IRAK1BP1: variants seen among roughly 807,000 people sequenced by gnomAD.
The protein encoded by IRAK1BP1 is interleukin 1 receptor associated kinase 1 binding protein 1.
IRAK1BP1 carries 24 observed loss-of-function variants against 28.0 expected under a neutral mutation model. The ratio of observed to expected loss-of-function variants is 0.86; its 90% CI spans 0.62 to 1.20. IRAK1BP1 has a LOEUF of 1.20. Among genes scored for constraint, IRAK1BP1 ranks in the 50% most tolerant of loss-of-function variants. The pLI, the probability that IRAK1BP1 is intolerant of heterozygous loss-of-function variation, is 0.00. For missense variants in IRAK1BP1, 336 were observed against 316.7 expected (o/e 1.06, Z -0.46); for synonymous variants, 131 against 116.3 (o/e 1.13, Z -0.81).
the IRAK1BP1 span, among the ~76,000 whole-genome samples, chr6:78,960,538 A>G: frequency 6.6e-6 from 1 of 151,880 alleles, no homozygotes; most frequent in Admixed American, 6.6e-5. Context: ...GTTGGGAACC[A>G]CATAGCAGGG....
the IRAK1BP1 span, among the ~76,000 whole-genome samples, chr6:78,959,523 C>A: frequency 1.3e-5 from 2 of 151,734 alleles, no homozygotes; most frequent in Non-Finnish European, 2.9e-5. Context: ...AGAAGTTTCA[C>A]GAAAGAAAAA....
the IRAK1BP1 span, among the ~76,000 whole-genome samples, chr6:78,972,656 G>C: frequency 1.3e-5 from 2 of 152,132 alleles, no homozygotes; most frequent in African/African-American, 2.4e-5. Context: ...TGTGTAACTA[G>C]AATAATCAAT....
chr6:78,913,368 G>A (rs1036041332), intron 4 of IRAK1BP1, among the ~76,000 whole-genome samples: 4 of 151,864 alleles, frequency 2.6e-5, no homozygotes, highest in Admixed American at 6.6e-5. Context: ...TACTGGGGCC[G>A]GGCGCAGTGG....
At chr6:78,915,917 T>C (rs1194388005) in intron 4 of IRAK1BP1, among the ~76,000 whole-genome samples, 2 of 152,212 alleles carry the variant, frequency 1.3e-5, no homozygotes, top group Admixed American at 6.5e-5. Flanking sequence ...GGCAGATTGA[T>C]GATGTTTTGT....
At chr6:78,975,741 G>A in the IRAK1BP1 span, among the ~76,000 whole-genome samples, 885 of 152,092 alleles carry the variant, frequency 5.8e-3, 14 homozygotes, top group African/African-American at 0.02. Flanking sequence ...CGGACAAACA[G>A]AGAGCCAAAT....
downstream of IRAK1BP1, among the ~76,000 whole-genome samples, chr6:78,907,263 T>C (rs1439344396): frequency 6.6e-6 from 1 of 152,252 alleles, no homozygotes; most frequent in East Asian, 1.9e-4. Flanking sequence ...TTTTTTGGTA[T>C]TGGATTGAAA....
Position 78,867,774 on chromosome 6 carries a change from C to CCGGG in IRAK1BP1, c.201_204dup (p.Gln69GlyfsTer49). 6.2e-7 allele frequency: 1 copy of CCGGG among 1,614,036 alleles called. No individual in the cohort carries two copies. Among genetic ancestry groups the CCGGG allele is most frequent in the Non-Finnish European group, 8.5e-7 (1 of 1,179,982 alleles). ...CCTCAGAAGTGTCTGCGGGCCCTGA[C>CCGGG]CGGGCGCAGGTGGTGGTGCGAGTGA... On this transcript the variant is annotated frameshift_variant, in exon 1 of 4. Coordinates refer to ENST00000369940, the MANE Select transcript of IRAK1BP1 (RefSeq NM_001010844.4). LOFTEE classifies it high-confidence loss of function.
exon 5 of IRAK1BP1, chr6:78,946,384 G>T: frequency 7.2e-7 from 1 of 1,385,602 alleles, no homozygotes. Context: ...GAGATTTATA[G>T]TGGATTTCAT....
chr6:78,953,078 A>T, the IRAK1BP1 span, among the ~76,000 whole-genome samples: 1 of 151,688 alleles, frequency 6.6e-6, no homozygotes, highest in Non-Finnish European at 1.5e-5. Flanking sequence ...TCAGTTAAGG[A>T]TTAACATTTT....
At chr6:78,947,816 A>G (rs1297886897), downstream of IRAK1BP1, 3 of 1,402,590 alleles carry the variant, frequency 2.1e-6, no homozygotes, top group Non-Finnish European at 2.0e-6. Flanking sequence ...TTATTACTAC[A>G]CAAAGCATCA....
chr6:78,972,034 A>T, the IRAK1BP1 span, among the ~76,000 whole-genome samples: 5 of 152,118 alleles, frequency 3.3e-5, no homozygotes, highest in Non-Finnish European at 7.4e-5. Context: ...CCACAGCTCA[A>T]GGAGGCCTGC....
At chr6:78,928,168 A>AT (rs1324827940) in intron 4 of IRAK1BP1, among the ~76,000 whole-genome samples, 3 of 152,036 alleles carry the variant, frequency 2.0e-5, no homozygotes, top group Non-Finnish European at 4.4e-5. Context: ...GAATCTTTCC[A>AT]TTTTTTGTGT....
At chr6:78,910,274 A>G (rs1582035987) in intron 4 of IRAK1BP1, among the ~76,000 whole-genome samples, 1 of 152,154 alleles carries the variant, frequency 6.6e-6, no homozygotes, top group South Asian at 2.1e-4. Context: ...TACAAGAGGA[A>G]GGAGAAAGAG....
downstream of IRAK1BP1, among the ~76,000 whole-genome samples, chr6:78,948,676 G>T (rs765020768): frequency 1.2e-3 from 183 of 152,132 alleles, 1 homozygote; most frequent in Middle Eastern, 3.4e-3. Flanking sequence ...TATAATTTTT[G>T]TAGAGACGGG....
rs1175088928 is a variant in IRAK1BP1, at chr6:78,899,226, C to G, written c.*892C>G. 1 of 152,132 alleles carries G rather than the reference C, an allele frequency of 6.6e-6. No individual in the cohort carries two copies. Among genetic ancestry groups the G allele is most frequent in the African/African-American group, 2.4e-5 (1 of 41,416 alleles). The allele number at this position is 152,132 out of a possible 1,614,324, so 9.4% of individuals were successfully genotyped here. On this transcript the variant is annotated 3_prime_UTR_variant, in exon 4 of 4. Coordinates refer to ENST00000369940, the MANE Select transcript of IRAK1BP1 (RefSeq NM_001010844.4). ...CAAAACTCAATACTGAGAAATGGCC[C>G]AGGTAAAGAACAGCCAAGGTCTTTC...
the IRAK1BP1 span, chr6:78,970,655 C>T: frequency 1.6e-6 from 1 of 642,652 alleles, no homozygotes; most frequent in Non-Finnish European, 2.7e-6. Flanking sequence ...TCTAGGACTG[C>T]TTCAATTAAA....
At chr6:78,875,908 C>T (rs9343843) in intron 1 of IRAK1BP1, among the ~76,000 whole-genome samples, 68,955 of 151,966 alleles carry the variant, frequency 0.45, 16,228 homozygotes, top group East Asian at 0.69. Flanking sequence ...GATGTTTTCC[C>T]AGAAGATTTT....
At chr6:78,948,623 T>C (rs1224802058), downstream of IRAK1BP1, among the ~76,000 whole-genome samples, 1 of 152,072 alleles carries the variant, frequency 6.6e-6, no homozygotes, top group Non-Finnish European at 1.5e-5. Context: ...GCCTCTCAAG[T>C]AGCGGGGACT....
chr6:78,923,763 C>T lies in IRAK1BP1; in HGVS notation c.*67+20653C>T, dbSNP rs187658203. Among the ~76,000 whole-genome samples, 33 of 152,208 alleles carry T rather than the reference C, an allele frequency of 2.2e-4. No homozygotes were observed. The East Asian group carries it at 6.2e-3, about 29-fold the overall frequency. On this transcript the variant is annotated intron_variant and NMD_transcript_variant, in intron 4 of 4. Coordinates refer to the IRAK1BP1 transcript ENST00000606868. ...CAAACTAGAACTCAGGATTAAGAAA[C>T]TCACTCAAAACCACTCAACTACATG... is the stretch of plus-strand genomic sequence containing the variant.
Sources: allele counts gnomAD v4.1 joint callset (sites outside exome capture counted in the v4.1 genomes callset), GRCh38; gene constraint gnomAD v4.1.1; transcripts MANE v1.5; gene names NCBI Gene and HGNC (gene_info 2026-07-23, HGNC 2026-07-21).